Variants in SLC35F4 observed in about 807,000 individuals in gnomAD.
The protein encoded by SLC35F4 is solute carrier family 35 member F4, also known as chromosome 14 open reading frame 36.
Under a neutral mutation model 44.2 loss-of-function variants are expected in SLC35F4, and 24 were observed. The observed-to-expected ratio is 0.54, with a 90% CI of 0.39 to 0.76. SLC35F4 has a LOEUF of 0.76. Ranked by LOEUF, SLC35F4 falls within the 30% of genes least tolerant of loss-of-function variation. The pLI, the probability that SLC35F4 is intolerant of heterozygous loss-of-function variation, is 0.00. For missense variants in SLC35F4, 562 were observed against 586.1 expected, an observed-to-expected ratio of 0.96 and a Z score of 0.42; for synonymous variants, 238 against 223.6, an observed-to-expected ratio of 1.06 and a Z score of -0.57.
chr14:57,856,258 C>G (rs1887078367), intron 1 of SLC35F4, among the ~76,000 whole-genome samples: 1 of 151,954 alleles, frequency 6.6e-6, no homozygotes. Flanking sequence ...CACCATGGCA[C>G]ATGTATAGCT....
At chr14:57,861,485 A>C (rs1639256833) in intron 1 of SLC35F4, among the ~76,000 whole-genome samples, 1 of 152,160 alleles carries the variant, frequency 6.6e-6, no homozygotes, top group Non-Finnish European at 1.5e-5. Context: ...AACTTTCTTG[A>C]GCCTGCTTCC....
chr14:57,846,365 T>C (rs919312283), intron 1 of SLC35F4, among the ~76,000 whole-genome samples: 1 of 152,186 alleles, frequency 6.6e-6, no homozygotes, highest in Non-Finnish European at 1.5e-5. Context: ...GTTGCCTGAA[T>C]ATTGGGCCAA....
intron 1 of SLC35F4, among the ~76,000 whole-genome samples, chr14:57,673,728 T>C (rs2074595923): frequency 6.6e-6 from 1 of 152,036 alleles, no homozygotes; most frequent in Non-Finnish European, 1.5e-5. Context: ...GAGGAAAACA[T>C]ATGAGATTAT....
intron 1 of SLC35F4, among the ~76,000 whole-genome samples, chr14:57,599,944 C>G (rs1163015639): frequency 1.3e-5 from 2 of 152,226 alleles, no homozygotes; most frequent in East Asian, 3.9e-4. Flanking sequence ...CCCACAGGAA[C>G]TCCCCATTGG....
At chr14:57,634,260 C>A (rs977431892) in intron 1 of SLC35F4, among the ~76,000 whole-genome samples, 1 of 152,034 alleles carries the variant, frequency 6.6e-6, no homozygotes, top group Non-Finnish European at 1.5e-5. Context: ...GTGATAAGTG[C>A]GGTTGAAGGC....
chr14:57,880,521 G>A (rs889030034), intron 1 of SLC35F4, among the ~76,000 whole-genome samples: 4 of 152,150 alleles, frequency 2.6e-5, no homozygotes, highest in African/African-American at 9.7e-5. Context: ...TATTTCTCTT[G>A]ATTTGGAGGT....
At chr14:57,899,025 C>T (rs1888944169) in intron 1 of SLC35F4, among the ~76,000 whole-genome samples, 1 of 152,200 alleles carries the variant, frequency 6.6e-6, no homozygotes, top group Admixed American at 6.5e-5. Flanking sequence ...AAGTCAGGCA[C>T]TCACTGAGTC....
chr14:57,641,270 C>G (rs888384987), intron 1 of SLC35F4, among the ~76,000 whole-genome samples: 13 of 151,952 alleles, frequency 8.6e-5, no homozygotes, highest in African/African-American at 3.1e-4. Flanking sequence ...GAGCCTATGA[C>G]AAACAACATT....
chr14:57,940,771 C>A (rs925457177), intron 1 of SLC35F4, among the ~76,000 whole-genome samples: 1 of 152,212 alleles, frequency 6.6e-6, no homozygotes, highest in Non-Finnish European at 1.5e-5. Flanking sequence ...TTCTCCCCCA[C>A]TACTCCTCTT....
At chr14:57,927,727 G>A (rs145457753) in intron 1 of SLC35F4, among the ~76,000 whole-genome samples, 3,166 of 152,052 alleles carry the variant, frequency 0.021, 108 homozygotes, top group African/African-American at 0.067. Context: ...CTGACCTCAA[G>A]TGATCCACCC....
intron 6 of SLC35F4, among the ~76,000 whole-genome samples, chr14:57,566,780 A>G (rs1418075437): frequency 1.3e-5 from 2 of 152,226 alleles, no homozygotes; most frequent in African/African-American, 4.8e-5. Flanking sequence ...GAATCTTGCC[A>G]ATAGACTGGC....
rs370591513 is a variant in SLC35F4, at chr14:57,767,301, C to T, written c.103+98422G>A. 3.9e-5 allele frequency among the ~76,000 whole-genome samples: 6 copies of T among 152,268 alleles called. No individual in the cohort carries two copies. In the East Asian group the frequency reaches 1.2e-3, roughly 29 times the overall value. On this transcript the variant is annotated intron_variant, in intron 1 of 7. Transcript: ENST00000556826. The stretch of plus-strand genomic sequence containing the variant: ...AGATTTCAGTTCTTTAAATTTGTTA[C>T]ATGGTCCTATATTCTGGCCATAAAA...
chr14:57,720,889 A>G (rs537451705), intron 1 of SLC35F4, among the ~76,000 whole-genome samples: 2 of 148,726 alleles, frequency 1.3e-5, no homozygotes, highest in South Asian at 4.2e-4. Context: ...CAAGTTCTTC[A>G]GTTTTGGGAT....
At position 57,817,444 on chromosome 14, in the gene SLC35F4, G is replaced by A. The variant is rs561002061; in HGVS notation, c.103+48279C>T. Among the ~76,000 whole-genome samples the A allele has an allele frequency of 2.6e-5, 4 of 152,214 alleles. No individual in the cohort carries two copies. The South Asian group carries it at 8.3e-4, about 32-fold the overall frequency. On this transcript the variant is annotated intron_variant, in intron 1 of 7. Transcript: ENST00000556826. ...TTCACCTGAGGCAGGTGCTTCACGT[G>A]ACGAGGCTTTTCATCCCAAGAGCTA...
intron 1 of SLC35F4, among the ~76,000 whole-genome samples, chr14:57,679,959 G>A (rs1178311443): frequency 6.6e-6 from 1 of 152,004 alleles, no homozygotes; most frequent in Non-Finnish European, 1.5e-5. Context: ...AGAGGAGCTG[G>A]TACCATTCCT....
intron 1 of SLC35F4, among the ~76,000 whole-genome samples, chr14:57,886,928 T>A (rs998024517): frequency 1.2e-4 from 18 of 152,188 alleles, no homozygotes; most frequent in African/African-American, 4.3e-4. Flanking sequence ...CTGAAAAACA[T>A]CCCATGTGTT....
intron 1 of SLC35F4, among the ~76,000 whole-genome samples, chr14:57,937,064 C>CTTTTTTTTTTTTTTTTTTTTTTT (rs11458039): frequency 6.9e-6 from 1 of 144,218 alleles, no homozygotes; most frequent in Non-Finnish European, 1.5e-5. Flanking sequence ...ATTTTACCTG[C>CTTTTTTTTTTTTTTTTTTTTTTT]TTTTTTTTTT....
chr14:57,897,283 A>G (rs1888893822), intron 1 of SLC35F4, among the ~76,000 whole-genome samples: 1 of 152,102 alleles, frequency 6.6e-6, no homozygotes, highest in Non-Finnish European at 1.5e-5. Context: ...TTGTGTGGGA[A>G]AGGACATCCT....
intron 1 of SLC35F4, among the ~76,000 whole-genome samples, chr14:57,959,174 T>C (rs902674183): frequency 1.3e-5 from 2 of 152,228 alleles, no homozygotes; most frequent in Non-Finnish European, 2.9e-5. Flanking sequence ...GTATGGTATA[T>C]GTACTGCTGG....
Sources: allele counts gnomAD v4.1 joint callset (sites outside exome capture counted in the v4.1 genomes callset), GRCh38; gene constraint gnomAD v4.1.1; transcripts MANE v1.5; gene names NCBI Gene and HGNC (gene_info 2026-07-23, HGNC 2026-07-21).